C12orf42: variants seen among roughly 807,000 people sequenced by gnomAD.
The protein encoded by C12orf42 is uncharacterized protein C12orf42.
A neutral mutation model predicts 21.6 loss-of-function variants in C12orf42; 25 were observed. The observed-to-expected ratio is 1.16, with a 90% CI of 0.84 to 1.62. The LOEUF (loss-of-function observed/expected upper bound fraction) is 1.62, where lower values mean the gene tolerates loss of function less well. Ranked by LOEUF, C12orf42 falls within the 40% of genes most tolerant of loss-of-function variation. The probability of loss-of-function intolerance (pLI) is 0.00; values close to 1 mark genes in which losing one functional copy is unlikely to be tolerated. For synonymous variants in C12orf42, 174 were observed against 175.0 expected, an observed-to-expected ratio of 0.99 and a Z score of 0.05; for missense variants, 483 against 459.3, an observed-to-expected ratio of 1.05 and a Z score of -0.47.
chr12:103,122,377 G>A, the C12orf42 span, among the ~76,000 whole-genome samples: 51 of 152,224 alleles, frequency 3.4e-4, no homozygotes, highest in African/African-American at 1.2e-3. Context: ...TAAGGTTTCA[G>A]CCATTATTGT....
the C12orf42 span, among the ~76,000 whole-genome samples, chr12:103,169,658 T>C: frequency 3.4e-4 from 52 of 152,240 alleles, no homozygotes; most frequent in Middle Eastern, 3.4e-3. Context: ...TACTACAGTG[T>C]TATAGTGGGC....
At chr12:103,108,560 CAACCCAGTAATTATTT>C in the C12orf42 span, among the ~76,000 whole-genome samples, 1 of 151,956 alleles carries the variant, frequency 6.6e-6, no homozygotes, top group African/African-American at 2.4e-5. Context: ...AGAGAAAATA[CAACCCAGTAATTATTT>C]AAAAACTTTT....
intron 4 of C12orf42, among the ~76,000 whole-genome samples, chr12:103,292,222 C>T (rs1273546069): frequency 6.6e-6 from 1 of 152,084 alleles, no homozygotes; most frequent in Non-Finnish European, 1.5e-5. Context: ...TAGTGGACAT[C>T]TATAGAGACA....
the C12orf42 span, among the ~76,000 whole-genome samples, chr12:103,089,619 CTGTGTGTGTGTG>C: frequency 7.6e-5 from 11 of 145,586 alleles, no homozygotes; most frequent in South Asian, 2.2e-4. Flanking sequence ...GTGTGTGTGT[CTGTGTGTGTGTG>C]TGTGTGTGTG....
the C12orf42 span, among the ~76,000 whole-genome samples, chr12:103,068,070 G>A: frequency 6.6e-6 from 1 of 152,142 alleles, no homozygotes; most frequent in Non-Finnish European, 1.5e-5. Flanking sequence ...ATGACCTGCT[G>A]AGGTGTTTCC....
At position 103,302,154 on chromosome 12, in the gene C12orf42, C is replaced by T. The variant is rs757468964; in HGVS notation, c.1037G>A (p.Cys346Tyr). Residue 346 changes from cysteine to tyrosine, a missense_variant, in exon 6 of 6, where the codon TGT (cysteine) becomes TAT (tyrosine). Cys to Tyr is a radical substitution (Grantham distance 194). Transcript: ENST00000548883. ...CACCGGCCTAGAAAGGGCCTGTGAA[C>T]AAACCGTATGGAAACGCCGGGTTGG... ...PRPTRRFHTVCSQALSRPVVN... is the reference protein window; with the variant it reads ...PRPTRRFHTVYSQALSRPVVN... The T allele has an allele frequency of 3.5e-5, 52 of 1,506,932 alleles. No homozygotes were observed. Among genetic ancestry groups the T allele is most frequent in the Non-Finnish European group, 4.4e-5 (48 of 1,089,734 alleles). The allele number at this position is 1,506,932 out of a possible 1,614,324, so 93.3% of individuals were successfully genotyped here.
In C12orf42 at chr12:103,277,993, T is replaced by G. The variant is rs147013210; in HGVS notation, n.338-783A>C. On this transcript the variant is annotated intron_variant and non_coding_transcript_variant, in intron 4 of 6. Coordinates refer to the C12orf42 transcript ENST00000546526. ...TTGAAGAATAAATCACATTCATGGA[T>G]AGAATATTGAAAGATTTTTAAAAGT... Among the ~76,000 whole-genome samples, 879 of 152,212 alleles carry G rather than the reference T, an allele frequency of 5.8e-3. 8 individuals carry two copies. The highest frequency in any genetic ancestry group is 0.02 in the African/African-American group (812 of 41,504).
intron 4 of C12orf42, among the ~76,000 whole-genome samples, chr12:103,278,027 T>G (rs1268188838): frequency 1.3e-5 from 2 of 152,164 alleles, no homozygotes; most frequent in African/African-American, 4.8e-5. Context: ...GTAAATTTCT[T>G]TCTGAAAATT....
chr12:103,399,083 T>C (rs12227434), intron 3 of C12orf42, among the ~76,000 whole-genome samples: 28,001 of 151,932 alleles, frequency 0.18, 3,054 homozygotes, highest in East Asian at 0.35. Context: ...CATTTTTCCA[T>C]ATATGTCCTA....
intron 4 of C12orf42, among the ~76,000 whole-genome samples, chr12:103,347,996 G>T (rs2042780855): frequency 6.6e-6 from 1 of 152,120 alleles, no homozygotes; most frequent in Admixed American, 6.6e-5. Context: ...GCATGCAATT[G>T]TAAATACCCT....
chr12:103,199,123 A>C, the C12orf42 span, among the ~76,000 whole-genome samples: 1 of 152,202 alleles, frequency 6.6e-6, no homozygotes, highest in Non-Finnish European at 1.5e-5. Context: ...CATATAAACC[A>C]ATGGGACAGA....
chr12:103,143,989 AATAAC>A, the C12orf42 span, among the ~76,000 whole-genome samples: 2,214 of 152,330 alleles, frequency 0.015, 61 homozygotes, highest in African/African-American at 0.051. Flanking sequence ...GTAAGGATCA[AATAAC>A]ATAACATAGC....
intron 4 of C12orf42, among the ~76,000 whole-genome samples, chr12:103,347,776 A>G (rs2042762949): frequency 6.6e-6 from 1 of 152,170 alleles, no homozygotes; most frequent in Admixed American, 6.6e-5. Flanking sequence ...AAGGAGCCCC[A>G]ACTGACTAAA....
the C12orf42 span, among the ~76,000 whole-genome samples, chr12:103,193,928 C>G: frequency 2.0e-5 from 3 of 152,070 alleles, no homozygotes; most frequent in Admixed American, 2.0e-4. Flanking sequence ...AAATCCTCAA[C>G]AAAACATTTG....
the C12orf42 span, among the ~76,000 whole-genome samples, chr12:103,146,251 C>T: frequency 7.3e-5 from 11 of 151,522 alleles, no homozygotes; most frequent in South Asian, 1.9e-3. Context: ...GAGGCCAAGG[C>T]GGGTGGATCA....
intron 4 of C12orf42, among the ~76,000 whole-genome samples, chr12:103,312,239 G>GA (rs1170377772): frequency 1.3e-5 from 2 of 152,148 alleles, no homozygotes; most frequent in Non-Finnish European, 2.9e-5. Flanking sequence ...CAGATTTGGG[G>GA]AGAGTTTTGT....
chr12:103,457,638 C>T (rs1423071310), intron 2 of C12orf42, among the ~76,000 whole-genome samples: 1 of 152,078 alleles, frequency 6.6e-6, no homozygotes, highest in African/African-American at 2.4e-5. Flanking sequence ...AGTTAAGTTG[C>T]CTAAATAGCA....
At chr12:103,118,508 C>T in the C12orf42 span, among the ~76,000 whole-genome samples, 1 of 152,012 alleles carries the variant, frequency 6.6e-6, no homozygotes, top group Non-Finnish European at 1.5e-5. Context: ...TATGAAAATA[C>T]TAGCTTTTGG....
the C12orf42 span, among the ~76,000 whole-genome samples, chr12:103,217,260 C>G: frequency 6.6e-6 from 1 of 152,106 alleles, no homozygotes; most frequent in African/African-American, 2.4e-5. Flanking sequence ...CGGCTCACAC[C>G]TGTAATCTCA....
Sources: allele counts gnomAD v4.1 joint callset (sites outside exome capture counted in the v4.1 genomes callset), GRCh38; gene constraint gnomAD v4.1.1; transcripts MANE v1.5; gene names NCBI Gene and HGNC (gene_info 2026-07-23, HGNC 2026-07-21).